Variants in RXFP1 observed in about 807,000 individuals in gnomAD.
RXFP1 encodes relaxin family peptide receptor 1.
Under a neutral mutation model 89.8 loss-of-function variants are expected in RXFP1, and 73 were observed. The ratio of observed to expected loss-of-function variants is 0.81; its 90% CI spans 0.67 to 0.99. RXFP1 has a LOEUF of 0.99. Among genes scored for constraint, RXFP1 ranks in the 50% least tolerant of loss-of-function variants. The pLI is 0.00. For missense variants in RXFP1, 793 were observed against 895.5 expected, an observed-to-expected ratio of 0.89 and a Z score of 1.46; for synonymous variants, 277 against 305.5, an observed-to-expected ratio of 0.91 and a Z score of 0.97.
chr4:158,576,194 T>A (rs1756160027), intron 2 of RXFP1, among the ~76,000 whole-genome samples: 1 of 152,208 alleles, frequency 6.6e-6, no homozygotes, highest in Non-Finnish European at 1.5e-5. Context: ...TTCTTGAAAT[T>A]CACCTAGACC....
intron 1 of RXFP1, among the ~76,000 whole-genome samples, chr4:158,553,944 C>T (rs769709284): frequency 3.9e-5 from 6 of 152,062 alleles, no homozygotes; most frequent in Non-Finnish European, 7.4e-5. Context: ...ATGCTTTGTT[C>T]GGGGTTTTTC....
At chr4:158,574,414 A>T (rs1369584807) in intron 2 of RXFP1, among the ~76,000 whole-genome samples, 1 of 152,246 alleles carries the variant, frequency 6.6e-6, no homozygotes, top group Non-Finnish European at 1.5e-5. Flanking sequence ...GCTAGGTCAC[A>T]CAAGCAGACC....
rs771304565 is a variant in RXFP1 at position 158,646,914 on chromosome 4, C to A, written c.1469C>A (p.Ser490Tyr). The A allele has an allele frequency of 2.5e-6, 4 of 1,614,160 alleles. No homozygotes were observed. The South Asian group carries it at 3.3e-5, about 13-fold the overall frequency. Residue 490 changes from serine to tyrosine, a missense_variant, in exon 16 of 18, where the codon TCT (serine) becomes TAT (tyrosine). Transcript: ENST00000307765. ...MESTHCQLVG[S>Y]LAILSTEVSV... is the part of the protein sequence containing the mutation. ...AGTACTCATTGTCAGCTTGTAGGAT[C>A]TTTGGCCATTCTGTCCACAGAAGTA...
rs547417789 is a variant in RXFP1 at position 158,642,806 on chromosome 4, A to C, written c.1116-2103A>C. On this transcript the variant is annotated intron_variant, in intron 14 of 17. Transcript: ENST00000307765. Reference sequence around the variant, plus strand: ...CGCCAAGGAAATTAAGGACGTGGACACACAGGGAGTGAGGTTAAGAGCAGA... The same window carrying C: ...CGCCAAGGAAATTAAGGACGTGGACCCACAGGGAGTGAGGTTAAGAGCAGA... Among the ~76,000 whole-genome samples the C allele has an allele frequency of 6.8e-4, 103 of 152,172 alleles. 1 individual carries two copies. The highest frequency in any genetic ancestry group is 1.3e-3 in the Non-Finnish European group (90 of 68,028).
chr4:158,617,785 A>C (rs1049423304), intron 9 of RXFP1, among the ~76,000 whole-genome samples: 1 of 152,150 alleles, frequency 6.6e-6, no homozygotes. Context: ...ACTACTAACA[A>C]GTTCAATCAA....
intron 1 of RXFP1, among the ~76,000 whole-genome samples, chr4:158,549,153 T>A (rs1403695843): frequency 6.6e-6 from 1 of 151,802 alleles, no homozygotes; most frequent in Non-Finnish European, 1.5e-5. Flanking sequence ...TTCGTTTCTT[T>A]TTATTCTTTT....
At position 158,553,081 on chromosome 4, in the gene RXFP1, T is replaced by G. The variant is rs191891820; in HGVS notation, c.50-19617T>G. 3.9e-5 allele frequency among the ~76,000 whole-genome samples: 6 copies of G among 152,078 alleles called. No individual in the cohort carries two copies. In the East Asian group the frequency reaches 1.2e-3, roughly 29 times the overall value. On this transcript the variant is annotated intron_variant, in intron 1 of 17. Coordinates refer to ENST00000307765, the MANE Select transcript of RXFP1 (RefSeq NM_021634.4). ...GAATGATGCTGAAGTCCCAGCTGCT[T>G]GGGAGGCTGGGGTGGGAGGATCACC...
At chr4:158,645,740 T>G (rs975180892) in intron 15 of RXFP1, among the ~76,000 whole-genome samples, 3 of 152,138 alleles carry the variant, frequency 2.0e-5, no homozygotes, top group African/African-American at 7.2e-5. Flanking sequence ...CTAGGTCAAG[T>G]GTTCTAGAAT....
Position 158,521,963 on chromosome 4 carries a change from T to A in RXFP1, c.-14T>A, listed in dbSNP as rs1279743563. 2 of 1,605,538 alleles carry A rather than the reference T, an allele frequency of 1.2e-6. No individual in the cohort carries two copies. Among genetic ancestry groups the A allele is most frequent in the Non-Finnish European group, 1.7e-6 (2 of 1,174,134 alleles). On this transcript the variant is annotated 5_prime_UTR_variant, in exon 1 of 18. Transcript: ENST00000307765. ...TTGCTCACTTTCATTAATCAGTTGC[T>A]CAGATAGAAGGAAATGACATCTGGT...
At chr4:158,609,696 G>A (rs1763203762) in intron 6 of RXFP1, among the ~76,000 whole-genome samples, 2 of 152,146 alleles carry the variant, frequency 1.3e-5, no homozygotes, top group South Asian at 2.1e-4. Flanking sequence ...AGCCTTAACA[G>A]TAACCACTTT....
Position 158,626,813 on chromosome 4 carries a change from G to C in RXFP1, c.756-7G>C. 1 of 1,526,698 alleles carries C rather than the reference G, an allele frequency of 6.6e-7. No individual in the cohort carries two copies. The highest frequency in any genetic ancestry group is 8.9e-7 in the Non-Finnish European group (1 of 1,120,674). 94.6% of individuals were successfully genotyped at this position (1,526,698 alleles called of 1,614,324 possible). Reference sequence around the variant, plus strand: ...TTTAGCTGTATCGTTTTATTTTTATGTTCCAGGGACCTTGAAGGCAACCAT... The same window carrying C: ...TTTAGCTGTATCGTTTTATTTTTATCTTCCAGGGACCTTGAAGGCAACCAT... On this transcript the variant is annotated splice_polypyrimidine_tract_variant and splice_region_variant and intron_variant, in intron 9 of 17. Coordinates refer to ENST00000307765, the MANE Select transcript of RXFP1 (RefSeq NM_021634.4).
rs551428996 is a variant in RXFP1 at position 158,565,191 on chromosome 4, A to G, written c.50-7507A>G. ...ATCTGTCAAGATAATAAATATATTAAGTTAATAGAAAGCAAGCTTCTCTCA... is the reference window on the plus strand; with the variant it reads ...ATCTGTCAAGATAATAAATATATTAGGTTAATAGAAAGCAAGCTTCTCTCA... On this transcript the variant is annotated intron_variant, in intron 1 of 17. Coordinates refer to ENST00000307765, the MANE Select transcript of RXFP1 (RefSeq NM_021634.4). 5.9e-5 allele frequency among the ~76,000 whole-genome samples: 9 copies of G among 152,306 alleles called. No homozygotes were observed. The South Asian group carries it at 1.9e-3, about 32-fold the overall frequency.
At chr4:158,533,186 ATAT>A (rs1264473916) in intron 1 of RXFP1, among the ~76,000 whole-genome samples, 9 of 152,320 alleles carry the variant, frequency 5.9e-5, no homozygotes, top group African/African-American at 2.2e-4. Flanking sequence ...GAAAGAAAAA[ATAT>A]TATCTCTCTC....
At chr4:158,613,291 T>A (rs1057214925) in intron 8 of RXFP1, among the ~76,000 whole-genome samples, 12 of 152,152 alleles carry the variant, frequency 7.9e-5, no homozygotes, top group Admixed American at 6.5e-4. Flanking sequence ...TTTCTTAAAA[T>A]AAGATAACAA....
intron 9 of RXFP1, 66 bp downstream of exon 9, chr4:158,617,271 G>A: frequency 1.7e-6 from 2 of 1,160,592 alleles, no homozygotes; most frequent in Admixed American, 2.0e-5. Context: ...ATTCATTCCA[G>A]ATATAAGATT....
intron 8 of RXFP1, among the ~76,000 whole-genome samples, chr4:158,615,015 G>A (rs1480039200): frequency 6.6e-6 from 1 of 151,968 alleles, no homozygotes; most frequent in African/African-American, 2.4e-5. Context: ...AGACTTTGTT[G>A]TTCCATTGTA....
At position 158,534,278 on chromosome 4, in the gene RXFP1, G is replaced by A. The variant is rs867532705; in HGVS notation, c.49+12253G>A. 1.6e-3 allele frequency among the ~76,000 whole-genome samples: 231 copies of A among 142,366 alleles called. 1 individual carries two copies. The highest frequency in any genetic ancestry group is 0.011 in the Middle Eastern group (3 of 270). 93.4% of individuals were successfully genotyped at this position (142,366 alleles called of 152,430 possible). On this transcript the variant is annotated intron_variant, in intron 1 of 17. Transcript: ENST00000307765. The stretch of plus-strand genomic sequence containing the variant: ...TTTTTTTTTTTTGAGACAGAGTTTC[G>A]CTCTTGTTGCCCAGGCTGGAGTGCA...
At chr4:158,550,369 G>A (rs1749792162) in intron 1 of RXFP1, among the ~76,000 whole-genome samples, 1 of 152,222 alleles carries the variant, frequency 6.6e-6, no homozygotes, top group Non-Finnish European at 1.5e-5. Context: ...CTTTGACTAG[G>A]AAAGGGAACT....
chr4:158,528,227 C>A (rs925715646), intron 1 of RXFP1, among the ~76,000 whole-genome samples: 2 of 152,222 alleles, frequency 1.3e-5, no homozygotes, highest in Middle Eastern at 3.4e-3. Context: ...AGGCGGGGGG[C>A]AGTGTCTCAT....
Sources: gnomAD v4.1 joint callset for allele counts (sites outside exome capture counted in the v4.1 genomes callset) on GRCh38, gnomAD v4.1.1 for gene constraint, MANE v1.5 for transcripts, NCBI Gene and HGNC (gene_info 2026-07-23, HGNC 2026-07-21) for gene names.